The following SRBD1 variants were observed in gnomAD, a reference collection of about 807,000 sequenced individuals.
SRBD1 encodes the protein S1 RNA binding domain 1.
SRBD1 carries 88 observed loss-of-function variants against 115.3 expected under a neutral mutation model. The observed-to-expected ratio is 0.76, with a 90% CI of 0.64 to 0.91. The LOEUF is 0.91. SRBD1 is among the 40% of genes least tolerant of loss of function. The pLI is 0.00. For missense variants in SRBD1, 1,385 were observed against 1,177.4 expected, an observed-to-expected ratio of 1.18 and a Z score of -2.58; for synonymous variants, 509 against 407.7, an observed-to-expected ratio of 1.25 and a Z score of -2.99.
intron 9 of SRBD1, among the ~76,000 whole-genome samples, chr2:45,565,064 T>C (rs1672784699): frequency 6.6e-6 from 1 of 152,224 alleles, no homozygotes; most frequent in Non-Finnish European, 1.5e-5. Flanking sequence ...ACTCCCCAAG[T>C]TGATTTACAA....
In SRBD1 at chr2:45,585,461, C is replaced by T. The variant is rs527275132; in HGVS notation, c.815+147G>A. ...CACCAGCAGAGGGACTCCATACACT[C>T]GCTAAATAAAGAGGACTATATCCAG... On this transcript the variant is annotated intron_variant, in intron 5 of 20. Coordinates refer to ENST00000263736, the MANE Select transcript of SRBD1 (RefSeq NM_018079.5). The T allele has an allele frequency of 2.4e-5, 20 of 832,790 alleles. 1 individual carries two copies. In the South Asian group the frequency reaches 2.7e-4, roughly 11 times the overall value. The allele number at this position is 832,790 out of a possible 1,614,324, so 51.6% of individuals were successfully genotyped here. A position where few individuals can be genotyped will look rare whatever the true frequency, so the allele number is the denominator to read the frequency against.
chr2:45,409,896 A>C (rs1667547851), intron 19 of SRBD1, among the ~76,000 whole-genome samples: 1 of 152,196 alleles, frequency 6.6e-6, no homozygotes, highest in African/African-American at 2.4e-5. Context: ...TCATGGACTA[A>C]AAGACTTGAT....
chr2:45,585,837 A>G (rs540597597), intron 4 of SRBD1, 63 bp from the exon 5 acceptor site: 3 of 1,307,056 alleles, frequency 2.3e-6, no homozygotes, highest in Non-Finnish European at 3.1e-6. Context: ...ATCATGTATA[A>G]TTTAAAACAT....
At chr2:45,476,389 T>C (rs964254117) in intron 16 of SRBD1, among the ~76,000 whole-genome samples, 1 of 152,160 alleles carries the variant, frequency 6.6e-6, no homozygotes, top group Non-Finnish European at 1.5e-5. Context: ...AAATACTCTA[T>C]TTCACATTTA....
chr2:45,487,323 C>G (rs2103851400), intron 15 of SRBD1, among the ~76,000 whole-genome samples: 1 of 152,242 alleles, frequency 6.6e-6, no homozygotes, highest in Admixed American at 6.5e-5. Flanking sequence ...GCTTATGATA[C>G]CAACTGCTTT....
At chr2:45,584,410 T>C (rs1033858597) in intron 5 of SRBD1, among the ~76,000 whole-genome samples, 5 of 152,240 alleles carry the variant, frequency 3.3e-5, no homozygotes, top group African/African-American at 4.8e-5. Context: ...GCAAATTGAT[T>C]CTGCCTCTCA....
chr2:45,562,614 A>G (rs1672703590), intron 10 of SRBD1, 39 bp downstream of exon 10: 3 of 1,465,890 alleles, frequency 2.0e-6, no homozygotes, highest in Non-Finnish European at 1.9e-6. Context: ...TATTTTAGAA[A>G]AGAAACAAAG....
At chr2:45,402,604 G>A (rs1310109573) in intron 19 of SRBD1, among the ~76,000 whole-genome samples, 1 of 152,126 alleles carries the variant, frequency 6.6e-6, no homozygotes, top group Non-Finnish European at 1.5e-5. Context: ...CTCCCTAATG[G>A]GAAAAATTGA....
intron 16 of SRBD1, among the ~76,000 whole-genome samples, chr2:45,423,009 A>G (rs999164035): frequency 2.6e-5 from 4 of 152,206 alleles, no homozygotes; most frequent in Non-Finnish European, 4.4e-5. Context: ...CCAATCAGTA[A>G]TCTCTGACTT....
chr2:45,428,593 A>C (rs1168207870), intron 16 of SRBD1, among the ~76,000 whole-genome samples: 3 of 150,794 alleles, frequency 2.0e-5, no homozygotes, highest in East Asian at 1.9e-4. Context: ...TACATAAATA[A>C]ATAAATAAGT....
chr2:45,433,752 G>A (rs1290563066), intron 16 of SRBD1, among the ~76,000 whole-genome samples: 1 of 152,232 alleles, frequency 6.6e-6, no homozygotes, highest in Non-Finnish European at 1.5e-5. Flanking sequence ...AAACCTATGT[G>A]TTCTAGCTCC....
intron 16 of SRBD1, among the ~76,000 whole-genome samples, chr2:45,443,608 A>C (rs1312252376): frequency 6.6e-6 from 1 of 152,124 alleles, no homozygotes. Flanking sequence ...TTAAGGTAGA[A>C]ACTGTCTAGC....
chr2:45,590,171 A>T (rs929349668), intron 4 of SRBD1, among the ~76,000 whole-genome samples: 1 of 152,234 alleles, frequency 6.6e-6, no homozygotes, highest in African/African-American at 2.4e-5. Context: ...AAAAATCATA[A>T]CTGAGAAAAT....
At chr2:45,593,466 T>C (rs1350909281) in intron 4 of SRBD1, among the ~76,000 whole-genome samples, 1 of 152,210 alleles carries the variant, frequency 6.6e-6, no homozygotes, top group Non-Finnish European at 1.5e-5. Flanking sequence ...TCATGAGATC[T>C]GATGGCTTAA....
At chr2:45,567,112 G>T (rs963439722) in intron 9 of SRBD1, among the ~76,000 whole-genome samples, 1 of 152,028 alleles carries the variant, frequency 6.6e-6, no homozygotes, top group African/African-American at 2.4e-5. Context: ...CTCAATTTGT[G>T]CTTCATGTTG....
At chr2:45,443,077 T>C (rs991652683) in intron 16 of SRBD1, among the ~76,000 whole-genome samples, 27 of 152,288 alleles carry the variant, frequency 1.8e-4, no homozygotes, top group African/African-American at 5.8e-4. Context: ...TAAGTCTCCA[T>C]GGCAAGGAGT....
intron 19 of SRBD1, among the ~76,000 whole-genome samples, chr2:45,396,761 C>T (rs1262720811): frequency 1.3e-5 from 2 of 152,178 alleles, no homozygotes; most frequent in African/African-American, 2.4e-5. Flanking sequence ...TTCATGACTT[C>T]AGACATGGCC....
chr2:45,517,566 C>T lies in SRBD1; in HGVS notation c.1874+29166G>A, dbSNP rs1013720074. Reference sequence around the variant, plus strand: ...CATCAAGCATTAATCAGAAATTTCCCGTTAATCCTAAGTAAAAGTTAACTC... The same window carrying T: ...CATCAAGCATTAATCAGAAATTTCCTGTTAATCCTAAGTAAAAGTTAACTC... On this transcript the variant is annotated intron_variant, in intron 14 of 20. Coordinates refer to ENST00000263736, the MANE Select transcript of SRBD1 (RefSeq NM_018079.5). Among the ~76,000 whole-genome samples, 17 of 152,098 alleles carry T rather than the reference C, an allele frequency of 1.1e-4. 1 individual carries two copies. Among genetic ancestry groups the T allele is most frequent in the African/African-American group, 1.9e-4 (8 of 41,420 alleles).
intron 12 of SRBD1, among the ~76,000 whole-genome samples, chr2:45,550,054 A>G (rs1361749512): frequency 6.6e-6 from 1 of 152,156 alleles, no homozygotes; most frequent in East Asian, 1.9e-4. Context: ...CAAAAACATT[A>G]GAAATAAAGA....
Sources: allele counts gnomAD v4.1 joint callset (sites outside exome capture counted in the v4.1 genomes callset), GRCh38; gene constraint gnomAD v4.1.1; transcripts MANE v1.5; gene names NCBI Gene and HGNC (gene_info 2026-07-23, HGNC 2026-07-21).